The following ST18 variants were observed in gnomAD, a reference collection of about 807,000 sequenced individuals.
ST18 encodes the protein ST18 C2H2C-type zinc finger transcription factor, also known as suppression of tumorigenicity 18 protein.
A neutral mutation model predicts 110.0 loss-of-function variants in ST18; 50 were observed. That is an observed-to-expected ratio of 0.45 (90% CI 0.36 to 0.58). The LOEUF (loss-of-function observed/expected upper bound fraction) is 0.58. Ranked by LOEUF, ST18 falls within the 20% of genes least tolerant of loss-of-function variation. ST18 has a pLI of 0.00. For synonymous variants in ST18, 461 were observed against 452.4 expected, an observed-to-expected ratio of 1.02 and a Z score of -0.24; for missense variants, 1,306 against 1,280.1, an observed-to-expected ratio of 1.02 and a Z score of -0.31.
intron 2 of ST18, among the ~76,000 whole-genome samples, chr8:52,330,173 A>T (rs560860044): frequency 3.0e-4 from 45 of 152,266 alleles, no homozygotes; most frequent in African/African-American, 1.1e-3. Context: ...TATTTCCTTT[A>T]TGTTAATATG....
At chr8:52,323,815 C>T (rs1393363505) in intron 2 of ST18, among the ~76,000 whole-genome samples, 1 of 152,176 alleles carries the variant, frequency 6.6e-6, no homozygotes, top group African/African-American at 2.4e-5. Flanking sequence ...TCGCTCTTCT[C>T]ACTTTTCCAA....
chr8:52,159,393 G>C (rs1356487319), intron 14 of ST18, among the ~76,000 whole-genome samples: 1 of 152,002 alleles, frequency 6.6e-6, no homozygotes, highest in African/African-American at 2.4e-5. Flanking sequence ...TATGGGGCAG[G>C]TGCACTGGCA....
At chr8:52,400,787 A>C (rs1842609419) in intron 2 of ST18, among the ~76,000 whole-genome samples, 1 of 152,138 alleles carries the variant, frequency 6.6e-6, no homozygotes, top group South Asian at 2.1e-4. Flanking sequence ...TTAGCAACTT[A>C]ATGTAGCCAC....
chr8:52,121,666 G>C (rs1018842681), intron 23 of ST18, among the ~76,000 whole-genome samples: 2 of 152,010 alleles, frequency 1.3e-5, no homozygotes, highest in African/African-American at 2.4e-5. Flanking sequence ...TAAGCTCTCT[G>C]GTTCCAGAAT....
intron 2 of ST18, among the ~76,000 whole-genome samples, chr8:52,305,233 A>G (rs80189978): frequency 3.6e-4 from 55 of 152,358 alleles, no homozygotes; most frequent in African/African-American, 1.2e-3. Context: ...AGCATTTAAT[A>G]GAGTAGGTCA....
chr8:52,358,738 C>G (rs6473719), intron 2 of ST18, among the ~76,000 whole-genome samples: 149,620 of 152,048 alleles, frequency 0.98, 73,663 homozygotes, highest in Middle Eastern at 1. Context: ...CCACTAAAGA[C>G]TAAGCCAATA....
chr8:52,124,435 A>G (rs769707145), intron 23 of ST18, among the ~76,000 whole-genome samples: 1 of 152,048 alleles, frequency 6.6e-6, no homozygotes, highest in African/African-American at 2.4e-5. Flanking sequence ...CGGCCTCCCA[A>G]AGTGCTGGGA....
At chr8:52,329,645 C>G (rs1278895762) in intron 2 of ST18, among the ~76,000 whole-genome samples, 1 of 152,250 alleles carries the variant, frequency 6.6e-6, no homozygotes, top group East Asian at 1.9e-4. Flanking sequence ...ATCCTAGCTA[C>G]TCAGGAGGCT....
At position 52,120,566 on chromosome 8, in the gene ST18, C is replaced by T. The variant is rs62500974; in HGVS notation, c.2756-2125G>A. Among the ~76,000 whole-genome samples the T allele has an allele frequency of 4.5e-3, 691 of 152,124 alleles. 1 individual carries two copies. The highest frequency in any genetic ancestry group is 7.7e-3 in the Non-Finnish European group (522 of 67,992). ...GAGCATCCAAGAGGAGGAAGGAAGC[C>T]CAGAGCCCAGGCTGGGAAGGGAGTG... On this transcript the variant is annotated intron_variant, in intron 23 of 25. Coordinates refer to ENST00000689386, the MANE Select transcript of ST18 (RefSeq NM_001352837.2).
At chr8:52,268,469 A>G (rs966944299) in intron 2 of ST18, among the ~76,000 whole-genome samples, 5 of 11,590 alleles carry the variant, frequency 4.3e-4, no homozygotes, top group East Asian at 4.2e-3. Context: ...TCTATCTATC[A>G]TCTATCTATC....
chr8:52,159,843 T>C (rs1373620832), intron 14 of ST18, among the ~76,000 whole-genome samples: 2 of 152,218 alleles, frequency 1.3e-5, no homozygotes, highest in Non-Finnish European at 1.5e-5. Flanking sequence ...TACTGAGAGA[T>C]AGAATTAAAC....
At chr8:52,122,657 T>C (rs563714820) in intron 23 of ST18, among the ~76,000 whole-genome samples, 1 of 152,042 alleles carries the variant, frequency 6.6e-6, no homozygotes, top group South Asian at 2.1e-4. Flanking sequence ...TAATGTTTTT[T>C]TTTGTATTTT....
chr8:52,281,023 A>G (rs1216964694), intron 2 of ST18, among the ~76,000 whole-genome samples: 2 of 152,162 alleles, frequency 1.3e-5, no homozygotes, highest in Non-Finnish European at 2.9e-5. Context: ...GAAATCAATA[A>G]CAAAGAGTAA....
Position 52,375,913 on chromosome 8 carries a change from A to T in ST18, c.-465+33415T>A, listed in dbSNP as rs368871745. Among the ~76,000 whole-genome samples the T allele has an allele frequency of 3.1e-3, 474 of 152,214 alleles. 3 individuals carry two copies. The highest frequency in any genetic ancestry group is 0.011 in the African/African-American group (458 of 41,548). On this transcript the variant is annotated intron_variant, in intron 2 of 25. Coordinates refer to ENST00000689386, the MANE Select transcript of ST18 (RefSeq NM_001352837.2). ...CCACTTCCTCCCGTTAATTGCTCAA[A>T]TCAAAAGCTAGGAAGGAGCCTTGCA...
At chr8:52,166,477 T>G (rs2063033567) in intron 11 of ST18, among the ~76,000 whole-genome samples, 2 of 151,944 alleles carry the variant, frequency 1.3e-5, no homozygotes. Context: ...AACTGGCCAG[T>G]CCTAAGGCTG....
intron 2 of ST18, among the ~76,000 whole-genome samples, chr8:52,346,006 G>T (rs1003213876): frequency 5.3e-5 from 8 of 151,892 alleles, no homozygotes; most frequent in Non-Finnish European, 8.8e-5. Flanking sequence ...GAAAGAGAAA[G>T]ATCAAATATA....
At chr8:52,197,986 G>A (rs577664239) in intron 8 of ST18, among the ~76,000 whole-genome samples, 2 of 152,126 alleles carry the variant, frequency 1.3e-5, no homozygotes, top group South Asian at 2.1e-4. Flanking sequence ...GACAAAAGGC[G>A]TTTTAAAGAC....
chr8:52,137,997 G>A (rs1046792975), intron 17 of ST18, among the ~76,000 whole-genome samples: 7 of 151,492 alleles, frequency 4.6e-5, no homozygotes, highest in Admixed American at 2.0e-4. Context: ...GCTACTCGGA[G>A]GCTGAGGCAG....
intron 15 of ST18, chr8:52,151,029 T>C (rs1409528588): frequency 2.6e-5 from 4 of 152,242 alleles, no homozygotes; most frequent in African/African-American, 7.2e-5. Context: ...TTCTGGTATT[T>C]TCGCCATCAT....
Sources: gnomAD v4.1 joint callset for allele counts (sites outside exome capture counted in the v4.1 genomes callset) on GRCh38, gnomAD v4.1.1 for gene constraint, MANE v1.5 for transcripts, NCBI Gene and HGNC (gene_info 2026-07-23, HGNC 2026-07-21) for gene names.